The following SMARCC1 variants were observed in gnomAD, a reference collection of about 807,000 sequenced individuals.
SMARCC1 encodes SWI/SNF related BAF chromatin remodeling complex subunit C1.
In SMARCC1, 43 loss-of-function variants were observed where a neutral mutation model predicts 147.4. The observed-to-expected ratio is 0.29, with a 90% CI of 0.23 to 0.38. SMARCC1 has a LOEUF of 0.38. Among genes scored for constraint, SMARCC1 ranks in the 10% least tolerant of loss-of-function variants. The pLI, the probability that SMARCC1 is intolerant of heterozygous loss-of-function variation, is 1.00. For missense variants in SMARCC1, 1,119 were observed against 1,381.1 expected (o/e 0.81, Z 3.01); for synonymous variants, 495 against 484.4 (o/e 1.02, Z -0.29).
chr3:47,777,738 G>A (rs577087311), intron 1 of SMARCC1, among the ~76,000 whole-genome samples: 2 of 151,920 alleles, frequency 1.3e-5, no homozygotes, highest in South Asian at 2.1e-4. Flanking sequence ...ACATTGGCCA[G>A]GCTGGTCTCG....
chr3:47,680,544 CTTTTTT>C, intron 14 of SMARCC1, 36 bp from the exon 15 acceptor site: 38 of 363,950 alleles, frequency 1.0e-4, no homozygotes, highest in South Asian at 3.9e-4. Context: ...TAGGAGTGTT[CTTTTTT>C]TTTTTTTTTT....
rs1367543059 is a variant in SMARCC1, at chr3:47,633,779, T to TATATACACACAC, written c.2646+1410_2646+1411insGTGTGTGTATAT. 5.9e-4 allele frequency among the ~76,000 whole-genome samples: 17 copies of TATATACACACAC among 28,876 alleles called. 1 individual carries two copies. Among genetic ancestry groups the TATATACACACAC allele is most frequent in the East Asian group, 4.6e-3 (3 of 646 alleles). 18.9% of individuals were successfully genotyped at this position (28,876 alleles called of 152,430 possible). On this transcript the variant is annotated intron_variant, in intron 24 of 27. Transcript: ENST00000254480. ...AAAAAAAAAAATATATATATATATATACACACACACACACACACACACACA... is the reference window on the plus strand; with the variant it reads ...AAAAAAAAAAATATATATATATATATATATACACACACACACACACACACACACACACACACA...
chr3:47,719,607 G>C (rs2034205099), intron 7 of SMARCC1, among the ~76,000 whole-genome samples: 1 of 152,068 alleles, frequency 6.6e-6, no homozygotes, highest in Non-Finnish European at 1.5e-5. Flanking sequence ...AAGGATGGAG[G>C]CAGGAGAATC....
rs1001499877 is a variant in SMARCC1 at position 47,651,249 on chromosome 3, A to T, written c.2320+10045T>A. On this transcript the variant is annotated intron_variant, in intron 21 of 27. Coordinates refer to ENST00000254480, the MANE Select transcript of SMARCC1 (RefSeq NM_003074.4). ...AGCCCAGGATGCAGAGGTTGCAGTG[A>T]GCCAAGATTGTGCCACTGCACTCCA... Among the ~76,000 whole-genome samples the T allele has an allele frequency of 6.6e-5, 10 of 152,208 alleles. No homozygotes were observed. The East Asian group carries it at 1.9e-3, about 29-fold the overall frequency.
At chr3:47,671,196 A>AAACAC (rs2033496844) in intron 18 of SMARCC1, among the ~76,000 whole-genome samples, 1 of 81,144 alleles carries the variant, frequency 1.2e-5, no homozygotes, top group Non-Finnish European at 2.4e-5. Context: ...AAAAAAAAAA[A>AAACAC]AACACACACA....
chr3:47,639,212 G>A (rs1280628568), intron 21 of SMARCC1, among the ~76,000 whole-genome samples: 2 of 152,164 alleles, frequency 1.3e-5, no homozygotes, highest in Non-Finnish European at 2.9e-5. Flanking sequence ...TGCCTGACAA[G>A]TATGTATTTT....
At chr3:47,745,870 C>T in intron 3 of SMARCC1, 38 bp downstream of exon 3, 1 of 1,269,488 alleles carries the variant, frequency 7.9e-7, no homozygotes, top group Admixed American at 2.5e-5. Context: ...AAGTAAATAA[C>T]TTAAGATCAA....
intron 21 of SMARCC1, among the ~76,000 whole-genome samples, chr3:47,648,720 C>T (rs1452683955): frequency 6.6e-6 from 1 of 152,032 alleles, no homozygotes; most frequent in Non-Finnish European, 1.5e-5. Flanking sequence ...TATAGCCCTT[C>T]CTGTGTAGAG....
intron 21 of SMARCC1, among the ~76,000 whole-genome samples, chr3:47,653,146 A>G (rs2033214580): frequency 6.6e-6 from 1 of 152,024 alleles, no homozygotes; most frequent in African/African-American, 2.4e-5. Context: ...TTTAGTAGAG[A>G]CAGGGTTTCA....
At chr3:47,665,908 T>C (rs1271777578) in intron 19 of SMARCC1, among the ~76,000 whole-genome samples, 1 of 151,804 alleles carries the variant, frequency 6.6e-6, no homozygotes, top group East Asian at 1.9e-4. Context: ...TGCTGTCCAA[T>C]TCCTGGCCTC....
At chr3:47,665,503 GC>G (rs1419952487) in intron 19 of SMARCC1, among the ~76,000 whole-genome samples, 1 of 151,388 alleles carries the variant, frequency 6.6e-6, no homozygotes, top group Non-Finnish European at 1.5e-5. Flanking sequence ...TGTTCCTTTC[GC>G]CAGGGAACAA....
chr3:47,594,654 G>T (rs1362475752), intron 26 of SMARCC1, among the ~76,000 whole-genome samples: 1 of 152,156 alleles, frequency 6.6e-6, no homozygotes. Context: ...CTTTCCAGCT[G>T]ATCAATAAAA....
intron 21 of SMARCC1, among the ~76,000 whole-genome samples, chr3:47,642,631 A>C (rs1022706474): frequency 1.3e-5 from 2 of 152,188 alleles, no homozygotes; most frequent in African/African-American, 4.8e-5. Context: ...ACCTAATAGA[A>C]GACCACAATG....
intron 11 of SMARCC1, among the ~76,000 whole-genome samples, chr3:47,700,649 G>A (rs1188893037): frequency 6.6e-6 from 1 of 152,054 alleles, no homozygotes; most frequent in African/African-American, 2.4e-5. Context: ...CTCAGCCTCT[G>A]GAGTAGCGGG....
At chr3:47,615,130 G>A (rs199516607) in intron 25 of SMARCC1, among the ~76,000 whole-genome samples, 18 of 152,154 alleles carry the variant, frequency 1.2e-4, no homozygotes, top group East Asian at 1.2e-3. Context: ...TAATCCCCCC[G>A]ACTCAGCCCA....
chr3:47,693,341 G>A (rs2033812728), intron 11 of SMARCC1, 41 bp from the exon 12 acceptor site: 1 of 1,185,734 alleles, frequency 8.4e-7, no homozygotes, highest in South Asian at 1.2e-5. Context: ...TGTGGGAAAA[G>A]TTGTACTTCT....
intron 26 of SMARCC1, among the ~76,000 whole-genome samples, chr3:47,591,609 C>T (rs1699829862): frequency 6.6e-6 from 1 of 151,848 alleles, no homozygotes; most frequent in Non-Finnish European, 1.5e-5. Flanking sequence ...GTGGCATGAC[C>T]TTAGCTCATT....
rs749133373 is a variant in SMARCC1, at chr3:47,610,286, G to A, written c.2823C>T (p.Asn941=). The A allele has an allele frequency of 6.2e-7, 1 of 1,614,226 alleles. No individual in the cohort carries two copies. Among genetic ancestry groups the A allele is most frequent in the Non-Finnish European group, 8.5e-7 (1 of 1,180,036 alleles). Residue 941 remains asparagine, a synonymous_variant, in exon 26 of 28, where the codon AAC becomes AAT. Transcript: ENST00000254480. ...QRQQLLTERQ[N]FHMEQLKYAE... Reference sequence around the variant, plus strand: ...CATACTTCAGCTGTTCCATGTGGAAGTTTTGGCGTTCAGTAAGCAACTGCT... The same window carrying A: ...CATACTTCAGCTGTTCCATGTGGAAATTTTGGCGTTCAGTAAGCAACTGCT...
intron 3 of SMARCC1, among the ~76,000 whole-genome samples, chr3:47,738,876 T>C (rs185059207): frequency 6.6e-4 from 100 of 152,306 alleles, no homozygotes; most frequent in Admixed American, 6.1e-3. Context: ...CTGAAATCAC[T>C]TGATAGCTGG....
Sources: gnomAD v4.1 joint callset for allele counts (sites outside exome capture counted in the v4.1 genomes callset) on GRCh38, gnomAD v4.1.1 for gene constraint, MANE v1.5 for transcripts, NCBI Gene and HGNC (gene_info 2026-07-23, HGNC 2026-07-21) for gene names.